Variants in COL18A1 observed in about 807,000 individuals in gnomAD.
COL18A1 encodes the protein collagen alpha-1(XVIII) chain.
A neutral mutation model predicts 168.0 loss-of-function variants in COL18A1; 133 were observed. That is an observed-to-expected ratio of 0.79 (90% CI 0.69 to 0.91). COL18A1 has a LOEUF of 0.91. Ranked by LOEUF, COL18A1 falls within the 40% of genes least tolerant of loss-of-function variation. The pLI is 0.00. For missense variants in COL18A1, 2,126 were observed against 1,925.4 expected, an observed-to-expected ratio of 1.10 and a Z score of -1.95; for synonymous variants, 949 against 809.0, an observed-to-expected ratio of 1.17 and a Z score of -2.94.
intron 2 of COL18A1, 63 bp from the exon 3 acceptor site, chr21:45,468,179 C>G: frequency 6.3e-7 from 1 of 1,578,756 alleles, no homozygotes; most frequent in Non-Finnish European, 8.7e-7. Flanking sequence ...CTCTCCAGGC[C>G]GCGTCGGTGG....
chr21:45,445,718 T>C (rs976806517), intron 2 of COL18A1, among the ~76,000 whole-genome samples: 2 of 152,256 alleles, frequency 1.3e-5, no homozygotes, highest in African/African-American at 4.8e-5. Flanking sequence ...TGAACATCTT[T>C]TTTTGTCTTT....
chr21:45,450,309 C>G (rs1462227725), intron 2 of COL18A1, among the ~76,000 whole-genome samples: 1 of 152,160 alleles, frequency 6.6e-6, no homozygotes, highest in Non-Finnish European at 1.5e-5. Context: ...CTGCCCTGCT[C>G]CCTCATCCCT....
rs779971801 is a variant in COL18A1, at chr21:45,505,439, T to A, written c.3087+8T>A. On this transcript the variant is annotated splice_region_variant and intron_variant, in intron 36 of 41. Coordinates refer to ENST00000651438, the MANE Select transcript of COL18A1 (RefSeq NM_001379500.1). ...ATGGGCGCCTCCTCAGGGGTAAGTGTCTGGGCAGCCGGCTGGGCACCTGCG... is the reference window on the plus strand; with the variant it reads ...ATGGGCGCCTCCTCAGGGGTAAGTGACTGGGCAGCCGGCTGGGCACCTGCG... The A allele has an allele frequency of 4.1e-6, 6 of 1,455,248 alleles. No homozygotes were observed. In the African/African-American group the frequency reaches 8.5e-5, roughly 21 times the overall value. 90.1% of individuals were successfully genotyped at this position (1,455,248 alleles called of 1,614,324 possible).
At chr21:45,450,266 C>T (rs1336599524) in intron 2 of COL18A1, among the ~76,000 whole-genome samples, 1 of 152,176 alleles carries the variant, frequency 6.6e-6, no homozygotes, top group East Asian at 1.9e-4. Flanking sequence ...CAAGGACAAG[C>T]TCAGGGAATG....
intron 2 of COL18A1, among the ~76,000 whole-genome samples, chr21:45,428,842 G>A (rs923453166): frequency 6.6e-6 from 1 of 152,012 alleles, no homozygotes; most frequent in Non-Finnish European, 1.5e-5. Context: ...ACGTTTTAAA[G>A]CATGTTTTAT....
intron 32 of COL18A1, among the ~76,000 whole-genome samples, chr21:45,501,652 C>A (rs112670966): frequency 0.089 from 13,040 of 147,122 alleles, 858 homozygotes; most frequent in Admixed American, 0.15. Flanking sequence ...GGTGGTGGGG[C>A]CTCCACAGCC....
intron 2 of COL18A1, among the ~76,000 whole-genome samples, chr21:45,411,833 G>A (rs1049093552): frequency 6.0e-5 from 9 of 150,076 alleles, no homozygotes; most frequent in African/African-American, 2.0e-4. Context: ...GATGGGCGAC[G>A]TTCATTTACA....
At chr21:45,416,094 C>T (rs985341163) in intron 2 of COL18A1, among the ~76,000 whole-genome samples, 4 of 152,208 alleles carry the variant, frequency 2.6e-5, no homozygotes, top group African/African-American at 9.7e-5. Flanking sequence ...GAGTTGGGAA[C>T]GTGGCCACAC....
chr21:45,430,293 C>T (rs1032708707), intron 2 of COL18A1, among the ~76,000 whole-genome samples: 5 of 152,236 alleles, frequency 3.3e-5, no homozygotes, highest in African/African-American at 9.6e-5. Context: ...TTCTCCTGAG[C>T]GTGTGGAACT....
At position 45,473,897 on chromosome 21, in the gene COL18A1, G is replaced by C. The variant is rs369219412; in HGVS notation, c.654G>C (p.Gly218=). The C allele has an allele frequency of 6.3e-7, 1 of 1,599,948 alleles. No individual in the cohort carries two copies. Among genetic ancestry groups the C allele is most frequent in the Non-Finnish European group, 8.5e-7 (1 of 1,173,590 alleles). The change falls in exon 4 of 42, where the codon GGG becomes GGC. Residue 218 remains glycine, a splice_region_variant and synonymous_variant. Transcript: ENST00000651438. This position sits in a 1 kb window ranked among gnomAD's most constrained non-coding sequence, Gnocchi z 4.0. ...CCCCTTTCTCTGTCTGCATTTAGGG[G>C]GTGATCGCTGAGCTGAAGGTGCGCA... ...AGGADPDKFQ[G]VIAELKVRRD... is the part of the protein sequence containing the mutation.
chr21:45,440,612 G>A (rs956317048), intron 2 of COL18A1, among the ~76,000 whole-genome samples: 3 of 151,332 alleles, frequency 2.0e-5, no homozygotes, highest in Admixed American at 6.6e-5. Context: ...GGGCCTGCTG[G>A]GGTTTGAGCC....
chr21:45,451,248 C>A (rs1231681824), intron 2 of COL18A1, among the ~76,000 whole-genome samples: 1 of 152,250 alleles, frequency 6.6e-6, no homozygotes, highest in Non-Finnish European at 1.5e-5. Context: ...TGTAGCCTAG[C>A]AACAGAGGAG....
At chr21:45,424,435 C>T (rs13051048) in intron 2 of COL18A1, 17,519 of 152,274 alleles carry the variant, frequency 0.12, 1,110 homozygotes, top group African/African-American at 0.14. Flanking sequence ...GGTCTCTGGG[C>T]GAGGGTTCCC....
chr21:45,488,332 G>A, intron 17 of COL18A1, 86 bp from the exon 18 acceptor site: 2 of 1,570,992 alleles, frequency 1.3e-6, no homozygotes, highest in Non-Finnish European at 1.7e-6. Flanking sequence ...AGTCTTGACT[G>A]TTACTAGCGG....
intron 32 of COL18A1, chr21:45,503,801 AT>A: frequency 3.2e-6 from 1 of 311,368 alleles, no homozygotes. Context: ...AATTTAAAAA[AT>A]TTAAAAATAA....
chr21:45,484,066 ACT>A (rs1568913441), intron 15 of COL18A1, among the ~76,000 whole-genome samples: 2 of 111,294 alleles, frequency 1.8e-5, no homozygotes, highest in African/African-American at 4.4e-5. Flanking sequence ...ACACACACAC[ACT>A]TCTCCAGCAT....
intron 15 of COL18A1, among the ~76,000 whole-genome samples, 169 bp from the exon 16 acceptor site, chr21:45,486,692 G>A (rs1016979092): frequency 5.3e-5 from 8 of 152,234 alleles, no homozygotes; most frequent in Admixed American, 3.9e-4. Flanking sequence ...AAATCGTGTC[G>A]TAAAGTTAGA....
rs1290871804 is a variant in COL18A1 at position 45,513,399 on chromosome 21, T to C, written c.*1001T>C. The C allele has an allele frequency of 6.6e-6, 1 of 152,224 alleles. No individual in the cohort carries two copies. The highest frequency in any genetic ancestry group is 1.9e-4 in the East Asian group (1 of 5,182). The allele number at this position is 152,224 out of a possible 1,614,324, so 9.4% of individuals were successfully genotyped here. On this transcript the variant is annotated 3_prime_UTR_variant, in exon 42 of 42. Coordinates refer to ENST00000651438, the MANE Select transcript of COL18A1 (RefSeq NM_001379500.1). ...TGCAGGGCAGTCATTGGCTGTCTCC[T>C]AGGAAACCCATATCCTTACCCTCCT...
At chr21:45,488,635 GAC>G (rs1411928346) in intron 18 of COL18A1, among the ~76,000 whole-genome samples, 191 bp downstream of exon 18, 1 of 152,138 alleles carries the variant, frequency 6.6e-6, no homozygotes, top group Non-Finnish European at 1.5e-5. Flanking sequence ...CCCCAACCTA[GAC>G]TTCCAGCGTT....
Sources: allele counts gnomAD v4.1 joint callset (sites outside exome capture counted in the v4.1 genomes callset), GRCh38; gene constraint gnomAD v4.1.1; non-coding constraint Gnocchi (gnomAD v3.1); transcripts MANE v1.5; gene names NCBI Gene and HGNC (gene_info 2026-07-23, HGNC 2026-07-21).